Variants in COL19A1 observed in about 807,000 individuals in gnomAD.
COL19A1 encodes the protein collagen alpha-1(XIX) chain.
Under a neutral mutation model 190.2 loss-of-function variants are expected in COL19A1, and 159 were observed. That is an observed-to-expected ratio of 0.84 (90% CI 0.73 to 0.95). COL19A1 has a LOEUF of 0.95. COL19A1 is among the 40% of genes least tolerant of loss of function. The pLI, the probability that COL19A1 is intolerant of heterozygous loss-of-function variation, is 0.00. For missense variants in COL19A1, 1,418 were observed against 1,431.9 expected (o/e 0.99, Z 0.16); for synonymous variants, 509 against 458.9 (o/e 1.11, Z -1.39).
chr6:70,110,515 C>T (rs1784225741), intron 16 of COL19A1, among the ~76,000 whole-genome samples: 1 of 152,100 alleles, frequency 6.6e-6, no homozygotes, highest in Admixed American at 6.6e-5. Context: ...GCTAGTTAAT[C>T]ATGTTTATTG....
intron 6 of COL19A1, among the ~76,000 whole-genome samples, chr6:69,931,580 T>C (rs552932193): frequency 6.6e-6 from 1 of 152,282 alleles, no homozygotes; most frequent in African/African-American, 2.4e-5. Flanking sequence ...GAGTTCTCAT[T>C]CTTCATTCTA....
At chr6:69,931,274 C>T (rs964776441) in intron 6 of COL19A1, among the ~76,000 whole-genome samples, 1 of 152,094 alleles carries the variant, frequency 6.6e-6, no homozygotes, top group Admixed American at 6.6e-5. Flanking sequence ...TTTTGACAAG[C>T]ATCAGTACAG....
intron 16 of COL19A1, among the ~76,000 whole-genome samples, chr6:70,113,395 T>C (rs78423529): frequency 0.038 from 5,860 of 152,272 alleles, 149 homozygotes; most frequent in Non-Finnish European, 0.06. Flanking sequence ...TATTGTAGTC[T>C]TAAGTGAAGG....
At chr6:69,909,441 C>T (rs1243405977) in intron 4 of COL19A1, among the ~76,000 whole-genome samples, 2 of 151,844 alleles carry the variant, frequency 1.3e-5, no homozygotes, top group Non-Finnish European at 2.9e-5. Context: ...AATATAAAGA[C>T]AAAATCTCTT....
At chr6:70,082,500 C>T (rs954176264) in intron 15 of COL19A1, among the ~76,000 whole-genome samples, 1 of 152,136 alleles carries the variant, frequency 6.6e-6, no homozygotes, top group South Asian at 2.1e-4. Flanking sequence ...GCAACCTCCA[C>T]CTCCCGGGTT....
At chr6:69,975,530 T>A (rs572676513) in intron 11 of COL19A1, among the ~76,000 whole-genome samples, 1 of 152,210 alleles carries the variant, frequency 6.6e-6, no homozygotes, top group South Asian at 2.1e-4. Context: ...ATATAGAGTT[T>A]ATAATACTGT....
chr6:69,917,280 C>T (rs1347782504), intron 4 of COL19A1, among the ~76,000 whole-genome samples: 1 of 152,176 alleles, frequency 6.6e-6, no homozygotes, highest in Non-Finnish European at 1.5e-5. Context: ...TTTGACTTTT[C>T]CATCTGTTGT....
intron 16 of COL19A1, among the ~76,000 whole-genome samples, chr6:70,120,102 AC>A (rs941461177): frequency 2.0e-5 from 3 of 152,100 alleles, no homozygotes; most frequent in African/African-American, 7.2e-5. Flanking sequence ...AAAAACAACA[AC>A]AAAAAGAGTT....
chr6:70,080,885 T>C (rs1228780867), intron 15 of COL19A1, among the ~76,000 whole-genome samples: 1 of 152,220 alleles, frequency 6.6e-6, no homozygotes, highest in Non-Finnish European at 1.5e-5. Flanking sequence ...ACTGGTAACT[T>C]ACTATGGGCT....
At chr6:70,201,635 A>G (rs756633663) in intron 49 of COL19A1, among the ~76,000 whole-genome samples, 1 of 152,244 alleles carries the variant, frequency 6.6e-6, no homozygotes, top group Non-Finnish European at 1.5e-5. Context: ...ACAACTTAGT[A>G]TATGTCTCCT....
At chr6:70,058,647 AT>A (rs905640969) in intron 14 of COL19A1, among the ~76,000 whole-genome samples, 3 of 151,410 alleles carry the variant, frequency 2.0e-5, no homozygotes, top group Admixed American at 6.6e-5. Flanking sequence ...CCTTAGGAAA[AT>A]TTTTTTCTTA....
intron 9 of COL19A1, among the ~76,000 whole-genome samples, chr6:69,944,169 T>G (rs935665113): frequency 1.3e-5 from 2 of 152,146 alleles, no homozygotes; most frequent in African/African-American, 4.8e-5. Context: ...CAAAAATAAC[T>G]TTAAAATAAA....
At chr6:70,017,080 G>T (rs1307700966) in intron 11 of COL19A1, among the ~76,000 whole-genome samples, 1 of 151,974 alleles carries the variant, frequency 6.6e-6, no homozygotes, top group Non-Finnish European at 1.5e-5. Flanking sequence ...GCATTATTTA[G>T]AATATCTAAA....
chr6:70,009,589 A>G (rs1283896478), intron 11 of COL19A1, among the ~76,000 whole-genome samples: 1 of 152,092 alleles, frequency 6.6e-6, no homozygotes, highest in Non-Finnish European at 1.5e-5. Context: ...AAATGCAACA[A>G]ATTTTTCTAG....
intron 11 of COL19A1, 21 bp from the exon 12 acceptor site, chr6:70,023,606 G>T (rs763721123): frequency 1.3e-6 from 2 of 1,594,304 alleles, no homozygotes; most frequent in Non-Finnish European, 1.7e-6. Context: ...ATTTTTCATT[G>T]TATAAATTGT....
Position 70,149,664 on chromosome 6 carries a change from C to G in COL19A1, c.1894-40C>G, listed in dbSNP as rs771948675. 3.1e-6 allele frequency: 5 copies of G among 1,608,020 alleles called. No individual in the cohort carries two copies. The East Asian group carries it at 6.7e-5, about 22-fold the overall frequency. On this transcript the variant is annotated intron_variant, in intron 27 of 50. Coordinates refer to ENST00000620364, the MANE Select transcript of COL19A1 (RefSeq NM_001858.6). ...GTCACTTGGATAATTTATGGACATTCTTGGTGGAATTTTAATAATAAAATC... is the reference window on the plus strand; with the variant it reads ...GTCACTTGGATAATTTATGGACATTGTTGGTGGAATTTTAATAATAAAATC...
chr6:70,066,177 T>A (rs893203262), intron 14 of COL19A1, among the ~76,000 whole-genome samples: 1 of 152,148 alleles, frequency 6.6e-6, no homozygotes, highest in African/African-American at 2.4e-5. Flanking sequence ...CTGCTCACAA[T>A]AGCAAAGACT....
intron 3 of COL19A1, 120 bp from the exon 4 acceptor site, chr6:69,900,119 C>A: frequency 2.0e-6 from 1 of 507,862 alleles, no homozygotes; most frequent in Non-Finnish European, 3.3e-6. Flanking sequence ...TTTGCTGATC[C>A]CAAGCAGCAA....
chr6:69,929,251 A>T, intron 5 of COL19A1, among the ~76,000 whole-genome samples, 174 bp from the exon 6 acceptor site: 1 of 151,988 alleles, frequency 6.6e-6, no homozygotes. Context: ...CCATTTTTGT[A>T]GTGGTGTTTG....
Sources: allele counts gnomAD v4.1 joint callset (sites outside exome capture counted in the v4.1 genomes callset), GRCh38; gene constraint gnomAD v4.1.1; transcripts MANE v1.5; gene names NCBI Gene and HGNC (gene_info 2026-07-23, HGNC 2026-07-21).